The following HCN1 variants were observed in gnomAD, a reference collection of about 807,000 sequenced individuals.
HCN1 encodes potassium/sodium hyperpolarization-activated cyclic nucleotide-gated channel 1.
Under a neutral mutation model 78.9 loss-of-function variants are expected in HCN1, and 13 were observed. The observed-to-expected ratio is 0.16, with a 90% confidence interval of 0.11 to 0.26. The LOEUF is 0.26. HCN1 is among the 10% of genes least tolerant of loss of function. The probability of loss-of-function intolerance (pLI) is 1.00; values close to 1 mark genes in which losing one functional copy is unlikely to be tolerated. For missense variants in HCN1, 810 were observed against 1,154.3 expected (o/e 0.70, Z 4.32); for synonymous variants, 552 against 455.5 (o/e 1.21, Z -2.70).
intron 2 of HCN1, among the ~76,000 whole-genome samples, chr5:45,605,173 T>C (rs1744699402): frequency 6.6e-6 from 1 of 151,998 alleles, no homozygotes; most frequent in Admixed American, 6.6e-5. Context: ...AGACCAGTGT[T>C]TGAAGTGTGT....
intron 1 of HCN1, among the ~76,000 whole-genome samples, chr5:45,685,652 C>G (rs557889428): frequency 6.6e-6 from 1 of 151,726 alleles, no homozygotes; most frequent in Non-Finnish European, 1.5e-5. Context: ...GCAGAGGTTG[C>G]GGTGAGCCAA....
At chr5:45,381,963 G>A (rs531779209) in intron 4 of HCN1, among the ~76,000 whole-genome samples, 1 of 152,248 alleles carries the variant, frequency 6.6e-6, no homozygotes, top group East Asian at 1.9e-4. Context: ...TCCTATTTGA[G>A]CTTCAATCCT....
intron 5 of HCN1, among the ~76,000 whole-genome samples, chr5:45,308,450 A>T (rs72759965): frequency 3.3e-3 from 510 of 152,250 alleles, no homozygotes; most frequent in Non-Finnish European, 5.5e-3. Context: ...CATGTAAAGC[A>T]TATTTTCTTT....
intron 2 of HCN1, among the ~76,000 whole-genome samples, chr5:45,550,608 C>T (rs1176300552): frequency 6.6e-6 from 1 of 152,052 alleles, no homozygotes; most frequent in Non-Finnish European, 1.5e-5. Context: ...AACAAACCTG[C>T]ACACAGTGCA....
chr5:45,265,189 T>TAA (rs34632955), intron 7 of HCN1, among the ~76,000 whole-genome samples: 28 of 140,362 alleles, frequency 2.0e-4, no homozygotes, highest in Non-Finnish European at 3.3e-4. Context: ...GATTCTGTCT[T>TAA]AAAAAAAAAA....
chr5:45,337,293 G>C (rs1156493448), intron 5 of HCN1, among the ~76,000 whole-genome samples: 1 of 152,060 alleles, frequency 6.6e-6, no homozygotes, highest in East Asian at 1.9e-4. Context: ...ATGTCATACA[G>C]TGCATATACC....
chr5:45,454,310 C>T (rs978249687), intron 3 of HCN1, among the ~76,000 whole-genome samples: 2 of 151,808 alleles, frequency 1.3e-5, no homozygotes, highest in African/African-American at 2.4e-5. Flanking sequence ...AGAGCAGTTG[C>T]CAGGCAGACT....
intron 4 of HCN1, among the ~76,000 whole-genome samples, chr5:45,388,772 T>C (rs1747979019): frequency 6.6e-6 from 1 of 152,124 alleles, no homozygotes; most frequent in Admixed American, 6.6e-5. Context: ...TGAAATCATA[T>C]AGTTCTTTAA....
chr5:45,315,741 G>A (rs926656422), intron 5 of HCN1, among the ~76,000 whole-genome samples: 6 of 152,094 alleles, frequency 3.9e-5, no homozygotes, highest in South Asian at 4.1e-4. Flanking sequence ...TATCACCACC[G>A]ATCCCACAGA....
At chr5:45,628,317 C>T (rs1745206957) in intron 2 of HCN1, among the ~76,000 whole-genome samples, 1 of 152,144 alleles carries the variant, frequency 6.6e-6, no homozygotes, top group African/African-American at 2.4e-5. Flanking sequence ...CTGAATAATG[C>T]AGGCCCTGGC....
At chr5:45,303,298 A>C (rs2111904283) in intron 6 of HCN1, among the ~76,000 whole-genome samples, 1 of 152,246 alleles carries the variant, frequency 6.6e-6, no homozygotes, top group South Asian at 2.1e-4. Context: ...GAAACAAAAC[A>C]TGTTAGTGGA....
At chr5:45,463,398 G>T (rs142772870) in intron 2 of HCN1, among the ~76,000 whole-genome samples, 2 of 152,028 alleles carry the variant, frequency 1.3e-5, no homozygotes, top group Non-Finnish European at 2.9e-5. Flanking sequence ...TGAGCAAAAA[G>T]ATTTTTTTCG....
At chr5:45,424,119 C>A (rs74370777) in intron 3 of HCN1, among the ~76,000 whole-genome samples, 18,865 of 67,736 alleles carry the variant, frequency 0.28, 1,937 homozygotes, top group African/African-American at 0.35. Flanking sequence ...ACTAAAAATC[C>A]AAAAAAAAAA....
At chr5:45,312,334 T>C (rs1348857877) in intron 5 of HCN1, among the ~76,000 whole-genome samples, 2 of 152,226 alleles carry the variant, frequency 1.3e-5, no homozygotes, top group African/African-American at 4.8e-5. Context: ...TTATTTGTTC[T>C]TTGGTTGACA....
chr5:45,482,315 C>A (rs1269571925), intron 2 of HCN1, among the ~76,000 whole-genome samples: 3 of 152,130 alleles, frequency 2.0e-5, no homozygotes, highest in African/African-American at 7.2e-5. Context: ...CTCACAATAT[C>A]CACCTGTCCA....
At chr5:45,570,181 T>C (rs969428461) in intron 2 of HCN1, among the ~76,000 whole-genome samples, 8 of 152,278 alleles carry the variant, frequency 5.3e-5, no homozygotes, top group Middle Eastern at 3.4e-3. Context: ...TGATATTCTC[T>C]TTCTTCCTTC....
chr5:45,398,464 T>C (rs1251088698), intron 3 of HCN1, among the ~76,000 whole-genome samples: 1 of 152,178 alleles, frequency 6.6e-6, no homozygotes, highest in African/African-American at 2.4e-5. Context: ...TGTGTATTTA[T>C]GTCTATGCAA....
At chr5:45,358,735 G>C (rs1310987070) in intron 4 of HCN1, among the ~76,000 whole-genome samples, 2 of 152,072 alleles carry the variant, frequency 1.3e-5, no homozygotes, top group Non-Finnish European at 2.9e-5. Flanking sequence ...CCCTACAAAG[G>C]TGCCTTTTGT....
intron 2 of HCN1, among the ~76,000 whole-genome samples, chr5:45,506,536 C>T (rs866347864): frequency 1.8e-4 from 27 of 152,008 alleles, no homozygotes; most frequent in African/African-American, 6.3e-4. Flanking sequence ...AAATGCAAAA[C>T]ACAAATGCAA....
Sources: gnomAD v4.1 joint callset for allele counts (sites outside exome capture counted in the v4.1 genomes callset) on GRCh38, gnomAD v4.1.1 for gene constraint, MANE v1.5 for transcripts, NCBI Gene and HGNC (gene_info 2026-07-23, HGNC 2026-07-21) for gene names.